The following LARGE1 variants were observed in gnomAD, a reference collection of about 807,000 sequenced individuals.
LARGE1 encodes xylosyl- and glucuronyltransferase LARGE1.
A neutral mutation model predicts 87.6 loss-of-function variants in LARGE1; 43 were observed. The observed-to-expected ratio is 0.49, with a 90% CI of 0.38 to 0.63. The LOEUF (loss-of-function observed/expected upper bound fraction) is 0.63. Ranked by LOEUF, LARGE1 falls within the 30% of genes least tolerant of loss-of-function variation. LARGE1 has a pLI of 0.00. For synonymous variants in LARGE1, 434 were observed against 394.6 expected (o/e 1.10, Z -1.18); for missense variants, 802 against 1,000.2 (o/e 0.80, Z 2.67).
chr22:33,761,991 TGGATAA>T (rs2084749014), intron 1 of LARGE1, among the ~76,000 whole-genome samples: 2 of 150,216 alleles, frequency 1.3e-5, no homozygotes, highest in Non-Finnish European at 3.0e-5. Context: ...CCGAGACGAG[TGGATAA>T]CTTGAGATCA....
At chr22:33,513,599 C>G (rs2071153504) in intron 6 of LARGE1, among the ~76,000 whole-genome samples, 1 of 152,066 alleles carries the variant, frequency 6.6e-6, no homozygotes, top group Admixed American at 6.5e-5. Context: ...AATACACAAG[C>G]AAAACAAACA....
chr22:33,263,252 G>A (rs2082774773), intron 11 of LARGE1, among the ~76,000 whole-genome samples: 1 of 152,202 alleles, frequency 6.6e-6, no homozygotes, highest in South Asian at 2.1e-4. Context: ...AGACTTGTAA[G>A]AGGACCTCCA....
intron 10 of LARGE1, among the ~76,000 whole-genome samples, chr22:33,331,864 C>T (rs892655552): frequency 6.6e-6 from 1 of 152,178 alleles, no homozygotes; most frequent in African/African-American, 2.4e-5. Flanking sequence ...TTCACTCCTA[C>T]TTATTCAACC....
chr22:33,884,625 G>C (rs1409102713), intron 1 of LARGE1, among the ~76,000 whole-genome samples: 1 of 152,242 alleles, frequency 6.6e-6, no homozygotes, highest in Non-Finnish European at 1.5e-5. Context: ...GGAGCTGCCA[G>C]ATTCTCGAGG....
chr22:33,378,127 T>G (rs1429591548), intron 9 of LARGE1, among the ~76,000 whole-genome samples: 2 of 152,208 alleles, frequency 1.3e-5, no homozygotes, highest in Non-Finnish European at 2.9e-5. Flanking sequence ...TCCTTGTAAC[T>G]TCCCCTAAAA....
chr22:33,782,414 TCA>T (rs1283979931), intron 1 of LARGE1, among the ~76,000 whole-genome samples: 1 of 152,142 alleles, frequency 6.6e-6, no homozygotes, highest in African/African-American at 2.4e-5. Context: ...GTTGTGACAA[TCA>T]CACAACCTTG....
intron 6 of LARGE1, among the ~76,000 whole-genome samples, chr22:33,456,113 A>G (rs2068120812): frequency 6.6e-6 from 1 of 152,248 alleles, no homozygotes; most frequent in Non-Finnish European, 1.5e-5. Flanking sequence ...ACAAGCAACA[A>G]GAGATCTGAG....
At chr22:33,130,052 C>T in the LARGE1 span, among the ~76,000 whole-genome samples, 1 of 152,238 alleles carries the variant, frequency 6.6e-6, no homozygotes, top group Middle Eastern at 3.4e-3. Context: ...CAGTGGCTCA[C>T]GCCTGTAATC....
intron 9 of LARGE1, among the ~76,000 whole-genome samples, chr22:33,351,980 A>C (rs1053897615): frequency 4.0e-5 from 6 of 151,736 alleles, no homozygotes; most frequent in African/African-American, 1.2e-4. Context: ...CTCATAATCC[A>C]CCCGCCTCAG....
chr22:33,321,345 G>A (rs1936692186), intron 10 of LARGE1, among the ~76,000 whole-genome samples: 1 of 152,174 alleles, frequency 6.6e-6, no homozygotes, highest in African/African-American at 2.4e-5. Flanking sequence ...GATGAGCCAG[G>A]GTGGCCCTTC....
chr22:33,340,324 G>C (rs764244248), intron 9 of LARGE1, among the ~76,000 whole-genome samples: 17 of 151,804 alleles, frequency 1.1e-4, no homozygotes, highest in African/African-American at 3.2e-4. Context: ...CCAGGAGACT[G>C]ATGGCTGGGC....
chr22:33,513,846 C>CACACAT (rs58043155), intron 6 of LARGE1, among the ~76,000 whole-genome samples: 2 of 150,130 alleles, frequency 1.3e-5, no homozygotes, highest in African/African-American at 4.9e-5. Context: ...CACACACACA[C>CACACAT]GAGTCATGTG....
chr22:33,574,480 C>T (rs1331401515), intron 5 of LARGE1, among the ~76,000 whole-genome samples: 1 of 151,258 alleles, frequency 6.6e-6, no homozygotes, highest in East Asian at 1.9e-4. Flanking sequence ...TGTTTTCAGC[C>T]CTTGGTTGTT....
intron 5 of LARGE1, among the ~76,000 whole-genome samples, chr22:33,569,051 G>T (rs2078116530): frequency 1.3e-5 from 2 of 152,126 alleles, no homozygotes; most frequent in Admixed American, 6.6e-5. Flanking sequence ...AAGATCCGAG[G>T]ACTCAGTGAG....
intron 11 of LARGE1, among the ~76,000 whole-genome samples, chr22:33,265,995 C>G (rs371632304): frequency 3.3e-5 from 5 of 152,100 alleles, no homozygotes; most frequent in East Asian, 3.9e-4. Flanking sequence ...AAGATAAATT[C>G]CCCAAGGACT....
chr22:33,254,733 G>A (rs1376166290), intron 11 of LARGE1, among the ~76,000 whole-genome samples: 2 of 152,134 alleles, frequency 1.3e-5, no homozygotes, highest in African/African-American at 4.8e-5. Flanking sequence ...AAGCACTTAG[G>A]ACAGTCTCTG....
At chr22:33,311,184 T>A (rs1935550299) in intron 11 of LARGE1, among the ~76,000 whole-genome samples, 1 of 152,100 alleles carries the variant, frequency 6.6e-6, no homozygotes, top group Non-Finnish European at 1.5e-5. Flanking sequence ...ATGGTCTCCA[T>A]CTCCTGACCT....
intron 11 of LARGE1, among the ~76,000 whole-genome samples, chr22:33,264,895 T>TG (rs2145759101): frequency 7.6e-6 from 1 of 131,642 alleles, no homozygotes; most frequent in South Asian, 3.0e-4. Context: ...AATTCTTTTT[T>TG]TTTTTTTTTT....
intron 11 of LARGE1, among the ~76,000 whole-genome samples, chr22:33,312,498 CAAAG>C (rs1935717268): frequency 6.8e-6 from 1 of 146,210 alleles, no homozygotes; most frequent in African/African-American, 2.5e-5. Flanking sequence ...GACAGGGCAA[CAAAG>C]AACCCACAGT....
Sources: allele counts gnomAD v4.1 joint callset (sites outside exome capture counted in the v4.1 genomes callset), GRCh38; gene constraint gnomAD v4.1.1; transcripts MANE v1.5; gene names NCBI Gene and HGNC (gene_info 2026-07-23, HGNC 2026-07-21).